The following DPY19L4 variants were observed in gnomAD, a reference collection of about 807,000 sequenced individuals.
The protein encoded by DPY19L4 is dpy-19 like 4.
In DPY19L4, 97 loss-of-function variants were observed where a neutral mutation model predicts 102.8. The observed-to-expected ratio is 0.94, with a 90% confidence interval of 0.80 to 1.12. The LOEUF (loss-of-function observed/expected upper bound fraction) is 1.12. Ranked by LOEUF, DPY19L4 falls within the 50% of genes most tolerant of loss-of-function variation. The pLI, the probability that DPY19L4 is intolerant of heterozygous loss-of-function variation, is 0.00. For missense variants in DPY19L4, 815 were observed against 850.4 expected (o/e 0.96, Z 0.52); for synonymous variants, 252 against 283.1 (o/e 0.89, Z 1.10).
intron 6 of DPY19L4, among the ~76,000 whole-genome samples, chr8:94,753,121 G>A (rs1812020323): frequency 6.6e-6 from 1 of 151,662 alleles, no homozygotes; most frequent in Non-Finnish European, 1.5e-5. Context: ...TAACAATGTT[G>A]GCCTCTGAAT....
At chr8:94,724,539 C>CA (rs1460197952) in intron 1 of DPY19L4, among the ~76,000 whole-genome samples, 1 of 152,108 alleles carries the variant, frequency 6.6e-6, no homozygotes. Flanking sequence ...CAGAAATACT[C>CA]AAAGTCTGGG....
chr8:94,776,554 A>G (rs899325566), intron 13 of DPY19L4, among the ~76,000 whole-genome samples: 1 of 151,136 alleles, frequency 6.6e-6, no homozygotes, highest in African/African-American at 2.4e-5. Context: ...GAAGTTTTGC[A>G]TTTTGCTTTT....
chr8:94,789,981 T>G lies in DPY19L4; in HGVS notation c.*71T>G. The G allele has an allele frequency of 6.9e-7, 1 of 1,459,762 alleles. No individual in the cohort carries two copies. Among genetic ancestry groups the G allele is most frequent in the Non-Finnish European group, 9.4e-7 (1 of 1,069,170 alleles). 90.4% of individuals were successfully genotyped at this position (1,459,762 alleles called of 1,614,324 possible). A position where few individuals can be genotyped will look rare whatever the true frequency, so the allele number is the denominator to read the frequency against. On this transcript the variant is annotated 3_prime_UTR_variant, in exon 19 of 19. Transcript: ENST00000414645. ...AGTTTTCTTCTACCTACTCGGTGTC[T>G]TTTGCAGATCAGAGTATGGACATTT...
At chr8:94,765,102 A>G in intron 8 of DPY19L4, 81 bp from the exon 9 acceptor site, 1 of 1,012,508 alleles carries the variant, frequency 9.9e-7, no homozygotes, top group Non-Finnish European at 1.4e-6. Context: ...GTATAATTAT[A>G]GTTAAATCTA....
At chr8:94,734,061 C>CTT (rs55957128) in intron 2 of DPY19L4, among the ~76,000 whole-genome samples, 16,348 of 133,114 alleles carry the variant, frequency 0.12, 1,065 homozygotes, top group Admixed American at 0.14. Flanking sequence ...TACCTAATGT[C>CTT]TTTTTTTTTT....
intron 6 of DPY19L4, among the ~76,000 whole-genome samples, chr8:94,751,118 C>CTTTCTTTTTT (rs1261561359): frequency 6.8e-5 from 8 of 116,878 alleles, no homozygotes; most frequent in Non-Finnish European, 9.8e-5. Context: ...TCTTTTCTTT[C>CTTTCTTTTTT]TTTTCTTTTT....
At chr8:94,783,860 T>C (rs1813539934) in intron 17 of DPY19L4, 58 bp downstream of exon 17, 2 of 1,587,692 alleles carry the variant, frequency 1.3e-6, no homozygotes, top group African/African-American at 1.3e-5. Context: ...TATTTTAGCA[T>C]AGTCTGCAGT....
rs1164421789 is a variant in DPY19L4, at chr8:94,739,651, A to G, written c.472A>G (p.Ile158Val). The change falls in exon 6 of 19, where the codon ATT (isoleucine) becomes GTT (valine). Residue 158 changes from isoleucine to valine, a missense_variant. By Grantham distance (29) the Ile-to-Val change is conservative. Coordinates refer to ENST00000414645, the MANE Select transcript of DPY19L4 (RefSeq NM_181787.3). ...TTCTGTTTTTTCCACATAGGAGATTATTGAGCCAGTGTATTTCTATATTGG... is the reference window on the plus strand; with the variant it reads ...TTCTGTTTTTTCCACATAGGAGATTGTTGAGCCAGTGTATTTCTATATTGG... ...LYQATGSNEI[I>V]EPVYFYIGIV... 28 of 1,613,794 alleles carry G rather than the reference A, an allele frequency of 1.7e-5. No homozygotes were observed. Among genetic ancestry groups the G allele is most frequent in the Non-Finnish European group, 2.3e-5 (27 of 1,179,918 alleles).
chr8:94,754,515 A>G (rs1812076885), intron 6 of DPY19L4, among the ~76,000 whole-genome samples: 1 of 152,206 alleles, frequency 6.6e-6, no homozygotes, highest in Non-Finnish European at 1.5e-5. Context: ...TCAGGAGTGT[A>G]TTACTTGGCC....
At chr8:94,732,509 T>C (rs1231474290) in intron 2 of DPY19L4, among the ~76,000 whole-genome samples, 1 of 152,142 alleles carries the variant, frequency 6.6e-6, no homozygotes, top group African/African-American at 2.4e-5. Flanking sequence ...CTGGGCAACA[T>C]AGCAAGAATC....
intron 6 of DPY19L4, among the ~76,000 whole-genome samples, chr8:94,747,700 A>T (rs1811740740): frequency 6.6e-6 from 1 of 151,750 alleles, no homozygotes; most frequent in African/African-American, 2.4e-5. Flanking sequence ...CTAGGACTAT[A>T]GGTGCCTGCC....
rs545117147 is a variant in DPY19L4, at chr8:94,766,538, C to G, written c.1102-74C>G. ...TGTAGTCTTGTTGTGTTTTCTGTCT[C>G]TAGTATTGGGGAAAGCATATGTTTG... On this transcript the variant is annotated intron_variant, in intron 10 of 18. Coordinates refer to ENST00000414645, the MANE Select transcript of DPY19L4 (RefSeq NM_181787.3). 27 of 1,373,638 alleles carry G rather than the reference C, an allele frequency of 2.0e-5. No homozygotes were observed. The South Asian group carries it at 3.2e-4, about 16-fold the overall frequency. 85.1% of individuals were successfully genotyped at this position (1,373,638 alleles called of 1,614,324 possible).
At chr8:94,734,947 G>A (rs558646271) in intron 3 of DPY19L4, among the ~76,000 whole-genome samples, 193 bp downstream of exon 3, 1 of 152,226 alleles carries the variant, frequency 6.6e-6, no homozygotes, top group East Asian at 1.9e-4. Flanking sequence ...AAACTATGAG[G>A]GTGCTCCCCT....
Position 94,719,903 on chromosome 8 carries a change from A to T in DPY19L4, c.-96A>T, listed in dbSNP as rs1810372704. 2 of 1,384,626 alleles carry T rather than the reference A, an allele frequency of 1.4e-6. No homozygotes were observed. Among genetic ancestry groups the T allele is most frequent in the Non-Finnish European group, 1.9e-6 (2 of 1,059,730 alleles). 85.8% of individuals were successfully genotyped at this position (1,384,626 alleles called of 1,614,324 possible). A position where few individuals can be genotyped will look rare whatever the true frequency, so the allele number is the denominator to read the frequency against. The stretch of plus-strand genomic sequence containing the variant: ...AGGAAGTGGGGGCGCGGCGGCCAGG[A>T]GCGGGCCCCCGGAGGCCGAGGGGTT... On this transcript the variant is annotated 5_prime_UTR_variant, in exon 1 of 19. Transcript: ENST00000414645.
chr8:94,735,811 G>T (rs1035226481), intron 3 of DPY19L4, among the ~76,000 whole-genome samples: 36 of 152,116 alleles, frequency 2.4e-4, no homozygotes, highest in Non-Finnish European at 4.9e-4. Context: ...GTTTAATAAG[G>T]TCTCCAGGTG....
At chr8:94,731,654 G>T (rs531617135) in intron 2 of DPY19L4, among the ~76,000 whole-genome samples, 4 of 152,184 alleles carry the variant, frequency 2.6e-5, no homozygotes, top group Admixed American at 1.3e-4. Context: ...GACCTCAGGT[G>T]ATCCGCCCAC....
At chr8:94,786,883 C>T (rs1813679091) in intron 17 of DPY19L4, among the ~76,000 whole-genome samples, 1 of 152,144 alleles carries the variant, frequency 6.6e-6, no homozygotes, top group Admixed American at 6.6e-5. Flanking sequence ...GTCTCTAATT[C>T]ATAATATGTG....
intron 6 of DPY19L4, among the ~76,000 whole-genome samples, chr8:94,747,959 A>C (rs1360692367): frequency 6.6e-6 from 1 of 152,228 alleles, no homozygotes; most frequent in Non-Finnish European, 1.5e-5. Flanking sequence ...TGTGGACTCC[A>C]AAATTGATCT....
chr8:94,766,536 C>G, intron 10 of DPY19L4, 76 bp from the exon 11 acceptor site: 1 of 1,354,780 alleles, frequency 7.4e-7, no homozygotes, highest in African/African-American at 1.5e-5. Context: ...TGTTTTCTGT[C>G]TCTAGTATTG....
Sources: allele counts gnomAD v4.1 joint callset (sites outside exome capture counted in the v4.1 genomes callset), GRCh38; gene constraint gnomAD v4.1.1; transcripts MANE v1.5; gene names NCBI Gene and HGNC (gene_info 2026-07-23, HGNC 2026-07-21).